Variants in PDGFC observed in about 807,000 individuals in gnomAD.
PDGFC encodes platelet-derived growth factor C.
PDGFC carries 12 observed loss-of-function variants against 35.5 expected under a neutral mutation model. That is an observed-to-expected ratio of 0.34 (90% CI 0.22 to 0.55). The LOEUF (loss-of-function observed/expected upper bound fraction) is 0.55, where lower values mean the gene tolerates loss of function less well. Among genes scored for constraint, PDGFC ranks in the 20% least tolerant of loss-of-function variants. PDGFC has a pLI of 0.91. For missense variants in PDGFC, 322 were observed against 412.4 expected (o/e 0.78, Z 1.90); for synonymous variants, 159 against 148.8 (o/e 1.07, Z -0.50).
At chr4:156,786,901 G>A (rs772378769) in intron 3 of PDGFC, among the ~76,000 whole-genome samples, 7 of 152,192 alleles carry the variant, frequency 4.6e-5, no homozygotes, top group Non-Finnish European at 1.0e-4. Context: ...CACACTCACT[G>A]CTGTGCTGAA....
intron 1 of PDGFC, among the ~76,000 whole-genome samples, chr4:156,865,790 G>A (rs1184209333): frequency 2.0e-5 from 3 of 152,190 alleles, no homozygotes; most frequent in African/African-American, 7.2e-5. Context: ...GGGGTGAGTT[G>A]TAGCAGAAGT....
intron 1 of PDGFC, among the ~76,000 whole-genome samples, chr4:156,900,534 C>T (rs747104797): frequency 3.3e-5 from 5 of 152,100 alleles, no homozygotes; most frequent in South Asian, 2.1e-4. Context: ...TGAACAAGAA[C>T]GAACTAGTTA....
In PDGFC at chr4:156,882,742, C is replaced by A. The variant is rs191646597; in HGVS notation, c.119-32326G>T. 9.9e-5 allele frequency among the ~76,000 whole-genome samples: 15 copies of A among 152,238 alleles called. No homozygotes were observed. The East Asian group carries it at 2.9e-3, about 29-fold the overall frequency. ...TTTTAAGCACAAGTTTGAGTTGTGACTGTATTATTTGACACCTGCATCTTT... is the reference window on the plus strand; with the variant it reads ...TTTTAAGCACAAGTTTGAGTTGTGAATGTATTATTTGACACCTGCATCTTT... On this transcript the variant is annotated intron_variant, in intron 1 of 5. Transcript: ENST00000502773.
At chr4:156,856,125 A>T (rs1729574230) in intron 1 of PDGFC, among the ~76,000 whole-genome samples, 1 of 152,162 alleles carries the variant, frequency 6.6e-6, no homozygotes. Context: ...CTTTAAGACA[A>T]ATAGCACAAT....
chr4:156,798,700 C>T (rs1731514728), intron 3 of PDGFC, among the ~76,000 whole-genome samples: 1 of 152,180 alleles, frequency 6.6e-6, no homozygotes, highest in Admixed American at 6.5e-5. Context: ...TACCTCCTCA[C>T]TCAGGTATTG....
intron 1 of PDGFC, among the ~76,000 whole-genome samples, chr4:156,863,928 T>C (rs1239571085): frequency 1.3e-5 from 2 of 152,148 alleles, no homozygotes; most frequent in African/African-American, 2.4e-5. Context: ...TACTTAGTTT[T>C]TAAAGTATCT....
In PDGFC at chr4:156,850,329, C is replaced by T; in HGVS notation, c.206G>A (p.Arg69Lys). The part of the protein sequence containing the change: ...HSPRFPHTYP[R>K]NTVLVWRLVA... ...TAATCTCCATACCAAGACCGTATTTCTTGGATAAGTATGAGGAAACCTTGG... is the reference window on the plus strand; with the variant it reads ...TAATCTCCATACCAAGACCGTATTTTTTGGATAAGTATGAGGAAACCTTGG... Residue 69 changes from arginine to lysine, a missense_variant, in exon 2 of 6, where the codon AGA becomes AAA. Physicochemically the swap from Arg to Lys is conservative, Grantham distance 26 (BLOSUM62 2). Around this residue, in one of 2 missense-constraint regions of PDGFC, gnomAD observed 120 missense variants for 116.6 expected, o/e 1.03. Transcript: ENST00000502773. 1 of 1,609,316 alleles carries T rather than the reference C, an allele frequency of 6.2e-7. No homozygotes were observed. The highest frequency in any genetic ancestry group is 8.5e-7 in the Non-Finnish European group (1 of 1,176,406).
intron 1 of PDGFC, among the ~76,000 whole-genome samples, chr4:156,922,514 T>G (rs548703706): frequency 6.6e-6 from 1 of 152,076 alleles, no homozygotes; most frequent in Non-Finnish European, 1.5e-5. Context: ...AAGGGCAGAG[T>G]GCCCTCTAGT....
chr4:156,922,602 GACT>G (rs1731312466), intron 1 of PDGFC, among the ~76,000 whole-genome samples: 1 of 152,182 alleles, frequency 6.6e-6, no homozygotes, highest in African/African-American at 2.4e-5. Context: ...TTATGACTCT[GACT>G]GTAAGTTTAC....
chr4:156,793,479 A>C (rs1437053327), intron 3 of PDGFC, among the ~76,000 whole-genome samples: 1 of 149,626 alleles, frequency 6.7e-6, no homozygotes, highest in African/African-American at 2.4e-5. Flanking sequence ...GAGAAAAAAA[A>C]ACAATTTCAT....
chr4:156,839,848 T>A (rs998509388), intron 2 of PDGFC, among the ~76,000 whole-genome samples: 2 of 152,102 alleles, frequency 1.3e-5, no homozygotes, highest in African/African-American at 4.8e-5. Context: ...AAGGAACTTG[T>A]TGGGAACTGG....
intron 1 of PDGFC, among the ~76,000 whole-genome samples, chr4:156,910,513 T>C (rs1731014108): frequency 6.6e-6 from 1 of 152,120 alleles, no homozygotes; most frequent in African/African-American, 2.4e-5. Flanking sequence ...CATACGTAGA[T>C]TTTGTGAGAA....
chr4:156,930,442 G>A (rs115473975), intron 1 of PDGFC, among the ~76,000 whole-genome samples: 1,560 of 152,272 alleles, frequency 0.01, 28 homozygotes, highest in African/African-American at 0.035. Flanking sequence ...CCAATGTGGA[G>A]AATGAATTGT....
chr4:156,938,406 G>T (rs1310617180), intron 1 of PDGFC, among the ~76,000 whole-genome samples: 1 of 152,014 alleles, frequency 6.6e-6, no homozygotes, highest in East Asian at 1.9e-4. Flanking sequence ...CATGACCAAT[G>T]GCTCTTGATC....
At chr4:156,842,978 G>A (rs1729240249) in intron 2 of PDGFC, among the ~76,000 whole-genome samples, 1 of 152,098 alleles carries the variant, frequency 6.6e-6, no homozygotes, top group African/African-American at 2.4e-5. Context: ...CACTGTAGCA[G>A]ACACTATGTT....
chr4:156,845,171 T>A (rs2111067024), intron 2 of PDGFC, among the ~76,000 whole-genome samples: 1 of 151,948 alleles, frequency 6.6e-6, no homozygotes, highest in African/African-American at 2.4e-5. Context: ...GAACAATAGA[T>A]ATTGTAAAAA....
chr4:156,772,974 G>T, intron 3 of PDGFC, 81 bp from the exon 4 acceptor site: 1 of 901,114 alleles, frequency 1.1e-6, no homozygotes, highest in Non-Finnish European at 1.8e-6. Flanking sequence ...AAATTATAAA[G>T]ACTGAGGCTG....
chr4:156,857,425 A>G (rs1430372581), intron 1 of PDGFC, among the ~76,000 whole-genome samples: 1 of 152,136 alleles, frequency 6.6e-6, no homozygotes, highest in Non-Finnish European at 1.5e-5. Context: ...AAGGAGGAAA[A>G]GGAGCAACTT....
At chr4:156,825,789 A>G (rs1732452963) in intron 2 of PDGFC, among the ~76,000 whole-genome samples, 2 of 151,458 alleles carry the variant, frequency 1.3e-5, no homozygotes, top group African/African-American at 4.9e-5. Context: ...CAACTAAATT[A>G]TGTTCTTTGT....
Sources: allele counts gnomAD v4.1 joint callset (sites outside exome capture counted in the v4.1 genomes callset), GRCh38; gene constraint gnomAD v4.1.1; regional missense constraint gnomAD v4.1.1; transcripts MANE v1.5; gene names NCBI Gene and HGNC (gene_info 2026-07-23, HGNC 2026-07-21).